RC3H2: variants seen among roughly 807,000 people sequenced by gnomAD.
The protein encoded by RC3H2 is roquin-2.
RC3H2 carries 31 observed loss-of-function variants against 133.3 expected under a neutral mutation model. That is an observed-to-expected ratio of 0.23 (90% confidence interval 0.17 to 0.31). The LOEUF (loss-of-function observed/expected upper bound fraction) is 0.31, where lower values mean the gene tolerates loss of function less well. Ranked by LOEUF, RC3H2 falls within the 10% of genes least tolerant of loss-of-function variation. The pLI is 1.00. For synonymous variants in RC3H2, 517 were observed against 502.2 expected (o/e 1.03, Z -0.40); for missense variants, 1,175 against 1,437.2 (o/e 0.82, Z 2.95).
intron 9 of RC3H2, chr9:122,873,800 C>T (rs766346088): frequency 6.6e-6 from 1 of 151,836 alleles, no homozygotes; most frequent in Non-Finnish European, 1.5e-5. Context: ...ATAACTATAC[C>T]ATAATTTTTA....
intron 9 of RC3H2, among the ~76,000 whole-genome samples, chr9:122,871,703 TTG>T (rs1831109444): frequency 6.6e-6 from 1 of 152,144 alleles, no homozygotes; most frequent in Admixed American, 6.6e-5. Flanking sequence ...TTTTTCTCCT[TTG>T]TGTTTTTTTT....
chr9:122,855,441 ACTTC>A (rs1334261120), intron 14 of RC3H2, 44 bp from the exon 15 acceptor site: 1 of 1,524,128 alleles, frequency 6.6e-7, no homozygotes, highest in African/African-American at 1.4e-5. Flanking sequence ...GTTGGCAATT[ACTTC>A]AGCTAGTAAA....
intron 4 of RC3H2, among the ~76,000 whole-genome samples, chr9:122,883,904 G>A (rs1338516772): frequency 6.6e-6 from 1 of 152,122 alleles, no homozygotes; most frequent in Non-Finnish European, 1.5e-5. Context: ...GGAAGTGGAG[G>A]ATCACTTGAG....
intron 1 of RC3H2, among the ~76,000 whole-genome samples, chr9:122,901,695 G>A (rs900302954): frequency 1.3e-5 from 2 of 148,868 alleles, no homozygotes; most frequent in African/African-American, 5.0e-5. Flanking sequence ...GGTTTCATAC[G>A]ATTCTCCTGC....
chr9:122,874,359 AAG>A (rs1247552567), intron 9 of RC3H2: 3 of 152,106 alleles, frequency 2.0e-5, no homozygotes, highest in Admixed American at 6.5e-5. Context: ...GGAAATGGAA[AAG>A]ACAGATTGAG....
chr9:122,888,726 C>T (rs1263030187), intron 4 of RC3H2, among the ~76,000 whole-genome samples: 1 of 152,126 alleles, frequency 6.6e-6, no homozygotes, highest in Non-Finnish European at 1.5e-5. Context: ...TATACTAGTA[C>T]CTTATTACGC....
intron 5 of RC3H2, 65 bp downstream of exon 5, chr9:122,883,139 C>T (rs1831725573): frequency 4.7e-6 from 7 of 1,474,312 alleles, no homozygotes; most frequent in African/African-American, 2.8e-5. Flanking sequence ...GACTGGGTAA[C>T]ATGAATTTCA....
intron 3 of RC3H2, among the ~76,000 whole-genome samples, 195 bp from the exon 4 acceptor site, chr9:122,890,740 T>C (rs1001450243): frequency 2.8e-4 from 42 of 152,320 alleles, no homozygotes; most frequent in African/African-American, 9.4e-4. Flanking sequence ...TTAGCTACTT[T>C]AGCAGTTTAA....
At chr9:122,895,134 G>A (rs1189880843) in intron 2 of RC3H2, among the ~76,000 whole-genome samples, 1 of 151,590 alleles carries the variant, frequency 6.6e-6, no homozygotes, top group Non-Finnish European at 1.5e-5. Flanking sequence ...TTGACCTATA[G>A]CAGATGCTAA....
intron 1 of RC3H2, among the ~76,000 whole-genome samples, chr9:122,903,393 A>C (rs1832730273): frequency 6.6e-6 from 1 of 152,258 alleles, no homozygotes; most frequent in Non-Finnish European, 1.5e-5. Flanking sequence ...CAAACAATGT[A>C]GAAGTTCAAC....
At chr9:122,895,418 T>G (rs1391076945) in intron 2 of RC3H2, among the ~76,000 whole-genome samples, 2 of 152,164 alleles carry the variant, frequency 1.3e-5, no homozygotes, top group Admixed American at 1.3e-4. Flanking sequence ...CCTGCCCACT[T>G]CAGCCTCCCA....
In RC3H2 at chr9:122,849,683, C is replaced by G; in HGVS notation, c.3520G>C (p.Glu1174Gln). ...NLILKTHVMS[E>Q]DKNDFLKPVA... The stretch of plus-strand genomic sequence containing the variant: ...GGTTTTAAAAAGTCGTTTTTATCTT[C>G]AGACATAACATGAGTTTTCAGAATG... The change falls in exon 21 of 21, where the codon GAA (glutamate) becomes CAA (glutamine). Residue 1174 changes from glutamate (E) to glutamine (Q), a missense_variant. Glu to Gln is a conservative substitution (Grantham distance 29, BLOSUM62 2). Coordinates refer to ENST00000357244, the MANE Select transcript of RC3H2 (RefSeq NM_001100588.3). 1 of 1,612,068 alleles carries G rather than the reference C, an allele frequency of 6.2e-7. No homozygotes were observed. The highest frequency in any genetic ancestry group is 8.5e-7 in the Non-Finnish European group (1 of 1,179,236).
At position 122,881,047 on chromosome 9, in the gene RC3H2, T is replaced by G. The variant is rs191983174; in HGVS notation, c.760-253A>C. Among the ~76,000 whole-genome samples the G allele has an allele frequency of 2.0e-5, 3 of 152,130 alleles. No individual in the cohort carries two copies. In the East Asian group the frequency reaches 5.8e-4, roughly 29 times the overall value. ...GAAAGAGAAACTTGTAAGTAGAAAATTATAGTAAAAGTTATAAGGCTTGAT... is the reference window on the plus strand; with the variant it reads ...GAAAGAGAAACTTGTAAGTAGAAAAGTATAGTAAAAGTTATAAGGCTTGAT... On this transcript the variant is annotated intron_variant, in intron 5 of 20. Coordinates refer to ENST00000357244, the MANE Select transcript of RC3H2 (RefSeq NM_001100588.3).
chr9:122,870,851 C>G (rs2131430844), intron 9 of RC3H2, among the ~76,000 whole-genome samples: 1 of 152,308 alleles, frequency 6.6e-6, no homozygotes, highest in Middle Eastern at 3.4e-3. Context: ...CAATCCAATT[C>G]TTTACTTATT....
At chr9:122,885,687 C>T (rs1306671031) in intron 4 of RC3H2, among the ~76,000 whole-genome samples, 1 of 151,996 alleles carries the variant, frequency 6.6e-6, no homozygotes, top group South Asian at 2.1e-4. Context: ...CCATTTTAAC[C>T]ACATAATTCA....
In RC3H2 at chr9:122,844,600, G is replaced by A. The variant is rs1176270665; in HGVS notation, c.*5027C>T. Reference sequence around the variant, plus strand: ...TTTTATTTTGTGCATGCAAATACATGTCAAGTACTGCAAACTTTTTCCATC... The same window carrying A: ...TTTTATTTTGTGCATGCAAATACATATCAAGTACTGCAAACTTTTTCCATC... On this transcript the variant is annotated 3_prime_UTR_variant, in exon 21 of 21. Coordinates refer to ENST00000357244, the MANE Select transcript of RC3H2 (RefSeq NM_001100588.3). The A allele has an allele frequency of 1.3e-5, 2 of 152,198 alleles. No homozygotes were observed. The highest frequency in any genetic ancestry group is 3.8e-4 in the East Asian group (2 of 5,204). 9.4% of individuals were successfully genotyped at this position (152,198 alleles called of 1,614,324 possible). A position where few individuals can be genotyped will look rare whatever the true frequency, so the allele number is the denominator to read the frequency against.
intron 4 of RC3H2, among the ~76,000 whole-genome samples, chr9:122,885,421 T>C (rs925190718): frequency 2.6e-5 from 4 of 152,162 alleles, no homozygotes; most frequent in African/African-American, 9.7e-5. Flanking sequence ...GCTTAAGAGC[T>C]GAAAGATTAT....
At chr9:122,851,807 C>T (rs1169319851) in intron 18 of RC3H2, among the ~76,000 whole-genome samples, 8 of 152,338 alleles carry the variant, frequency 5.3e-5, no homozygotes, top group Non-Finnish European at 7.3e-5. Flanking sequence ...TGCTCAATGG[C>T]GCCCAGGCTG....
rs541293302 is a variant in RC3H2 at position 122,851,936 on chromosome 9, G to C, written c.3118-500C>G. 7.2e-3 allele frequency among the ~76,000 whole-genome samples: 1,103 copies of C among 152,218 alleles called. 10 individuals are homozygous for C. The highest frequency in any genetic ancestry group is 0.025 in the African/African-American group (1,022 of 41,542). ...GCCGCCACCCCGTCTGGGAAGTGAGGAGCGTCTCTGCCTGGCCGCCCATCG... is the reference window on the plus strand; with the variant it reads ...GCCGCCACCCCGTCTGGGAAGTGAGCAGCGTCTCTGCCTGGCCGCCCATCG... On this transcript the variant is annotated intron_variant, in intron 18 of 20. Coordinates refer to ENST00000357244, the MANE Select transcript of RC3H2 (RefSeq NM_001100588.3).
Sources: allele counts gnomAD v4.1 joint callset (sites outside exome capture counted in the v4.1 genomes callset), GRCh38; gene constraint gnomAD v4.1.1; transcripts MANE v1.5; gene names NCBI Gene and HGNC (gene_info 2026-07-23, HGNC 2026-07-21).